CALY: variants seen among roughly 807,000 people sequenced by gnomAD.
CALY encodes the protein calcyon neuron specific vesicular protein.
CALY carries 15 observed loss-of-function variants against 20.2 expected under a neutral mutation model. That is an observed-to-expected ratio of 0.74 (90% CI 0.50 to 1.14). The LOEUF is 1.14. Ranked by LOEUF, CALY falls within the 50% of genes most tolerant of loss-of-function variation. The pLI is 0.00. For synonymous variants in CALY, 129 were observed against 131.8 expected, an observed-to-expected ratio of 0.98 and a Z score of 0.15; for missense variants, 270 against 304.4, an observed-to-expected ratio of 0.89 and a Z score of 0.84.
intron 1 of CALY, among the ~76,000 whole-genome samples, 164 bp downstream of exon 1, chr10:133,336,670 G>A (rs936048176): frequency 1.3e-5 from 2 of 152,132 alleles, no homozygotes; most frequent in Non-Finnish European, 1.5e-5. Flanking sequence ...ACCCGCACAC[G>A]CGCCTCGCAC....
intron 3 of CALY, among the ~76,000 whole-genome samples, 175 bp from the exon 4 acceptor site, chr10:133,327,166 G>C (rs111451658): frequency 6.6e-6 from 1 of 152,226 alleles, no homozygotes; most frequent in Non-Finnish European, 1.5e-5. Flanking sequence ...GTGTGCAGGC[G>C]TCACCCCTCG....
chr10:133,326,135 G>C lies in CALY; in HGVS notation c.361-15C>G. The C allele has an allele frequency of 1.3e-6, 2 of 1,590,350 alleles. No individual in the cohort carries two copies. The highest frequency in any genetic ancestry group is 1.1e-5 in the South Asian group (1 of 88,794). ...CAGATCTTGTGCTGCGGGAGGGGCC[G>C]GGTCAGGGTCGGTGGGGCTGAGCCC... On this transcript the variant is annotated splice_polypyrimidine_tract_variant and intron_variant, in intron 4 of 5. Coordinates refer to ENST00000252939, the MANE Select transcript of CALY (RefSeq NM_015722.4).
At chr10:133,327,172 C>T (rs1237798885) in intron 3 of CALY, among the ~76,000 whole-genome samples, 181 bp from the exon 4 acceptor site, 1 of 152,250 alleles carries the variant, frequency 6.6e-6, no homozygotes. Context: ...AGGCGTCACC[C>T]CTCGGGGCCA....
chr10:133,333,626 G>A (rs1848360668), intron 1 of CALY, among the ~76,000 whole-genome samples: 1 of 150,018 alleles, frequency 6.7e-6, no homozygotes, highest in African/African-American at 2.5e-5. Flanking sequence ...GGAGGGCTCT[G>A]AGGGGGAAAG....
rs370247096 is a variant in CALY, at chr10:133,327,036, G to A, written c.247-45C>T. On this transcript the variant is annotated intron_variant, in intron 3 of 5. Coordinates refer to ENST00000252939, the MANE Select transcript of CALY (RefSeq NM_015722.4). ...GGGCTCAGCCACGCCAGGCAGGGGC[G>A]GTCTTTGTGGGGAGCTCCTCAGGGG... is the stretch of plus-strand genomic sequence containing the variant. 1,317 of 1,353,196 alleles carry A rather than the reference G, an allele frequency of 9.7e-4. 16 individuals carry two copies. Among genetic ancestry groups the A allele is most frequent in the Non-Finnish European group, 1.9e-4 (182 of 959,512 alleles). 83.8% of individuals were successfully genotyped at this position (1,353,196 alleles called of 1,614,324 possible).
intron 1 of CALY, among the ~76,000 whole-genome samples, chr10:133,329,840 T>TATCC (rs139174075): frequency 0.047 from 7,165 of 152,300 alleles, 514 homozygotes; most frequent in African/African-American, 0.15. Flanking sequence ...GGGACGTGCT[T>TATCC]ATCCTGAAGT....
chr10:133,328,416 G>A (rs74505632), intron 2 of CALY, among the ~76,000 whole-genome samples: 1 of 152,160 alleles, frequency 6.6e-6, no homozygotes, highest in Non-Finnish European at 1.5e-5. Context: ...TGACTCCCTG[G>A]GGGGTCAAAC....
intron 4 of CALY, among the ~76,000 whole-genome samples, chr10:133,326,542 T>C (rs531346038): frequency 6.6e-6 from 1 of 150,808 alleles, no homozygotes; most frequent in South Asian, 2.1e-4. Flanking sequence ...ATCTGCCAAA[T>C]AGGTGGGGAG....
chr10:133,334,605 G>A lies in CALY; in HGVS notation c.-21+2229C>T, dbSNP rs80050012. 2.4e-3 allele frequency among the ~76,000 whole-genome samples: 366 copies of A among 150,198 alleles called. 3 individuals are homozygous for A. Among genetic ancestry groups the A allele is most frequent in the Admixed American group, 0.021 (316 of 15,048 alleles). On this transcript the variant is annotated intron_variant, in intron 1 of 5. Coordinates refer to ENST00000252939, the MANE Select transcript of CALY (RefSeq NM_015722.4). The stretch of plus-strand genomic sequence containing the variant: ...CATGAGGGAGAAGGATCTGAGGGGC[G>A]AAGGATCTGAAGGGGGAAGGATCAG...
chr10:133,326,943 C>A lies in CALY; in HGVS notation c.295G>T (p.Val99Leu). 2 of 1,611,316 alleles carry A rather than the reference C, an allele frequency of 1.2e-6. No individual in the cohort carries two copies. Among genetic ancestry groups the A allele is most frequent in the African/African-American group, 1.3e-5 (1 of 75,046 alleles). Residue 99 changes from valine to leucine, a missense_variant, in exon 4 of 6, where the codon GTG (valine) becomes TTG (leucine). Physicochemically the swap from Val to Leu is conservative, Grantham distance 32. Transcript: ENST00000252939. ...CAGATGGCCTTGTACATGATCAGCA[C>A]GCAGCCCAGTAGCGCCATGGCGAAG... ...IAFAMALLGCVLIMYKAIWYD... is the reference protein window; with the variant it reads ...IAFAMALLGCLLIMYKAIWYD...
chr10:133,324,173 G>A lies in CALY; in HGVS notation c.*1422C>T. 3.0e-6 allele frequency: 1 copy of A among 334,160 alleles called. No homozygotes were observed. The highest frequency in any genetic ancestry group is 2.2e-5 in the South Asian group (1 of 45,254). The allele number at this position is 334,160 out of a possible 1,614,324, so 20.7% of individuals were successfully genotyped here. A position where few individuals can be genotyped will look rare whatever the true frequency, so the allele number is the denominator to read the frequency against. On this transcript the variant is annotated 3_prime_UTR_variant, in exon 6 of 6. Transcript: ENST00000252939. The stretch of plus-strand genomic sequence containing the variant: ...CCCAGGCCCCGGGCCCCCCTCCCTT[G>A]CAGGCCATCAGGGCCAATTCAGTTC...
At chr10:133,330,940 C>T (rs572627607) in intron 1 of CALY, among the ~76,000 whole-genome samples, 2 of 152,138 alleles carry the variant, frequency 1.3e-5, no homozygotes, top group Admixed American at 6.5e-5. Flanking sequence ...GTGAATCCAG[C>T]GAATACAACA....
intron 2 of CALY, among the ~76,000 whole-genome samples, chr10:133,328,532 C>T (rs1436833015): frequency 6.6e-6 from 1 of 152,252 alleles, no homozygotes; most frequent in Non-Finnish European, 1.5e-5. Flanking sequence ...AAACCCAGGA[C>T]AGGGCCATGC....
At chr10:133,334,628 CA>C (rs1388348558) in intron 1 of CALY, among the ~76,000 whole-genome samples, 1 of 145,316 alleles carries the variant, frequency 6.9e-6, no homozygotes, top group East Asian at 2.1e-4. Context: ...GGGGAAGGAT[CA>C]GGGGAGGAAG....
At chr10:133,327,164 G>C (rs548231982) in intron 3 of CALY, among the ~76,000 whole-genome samples, 173 bp from the exon 4 acceptor site, 6 of 152,244 alleles carry the variant, frequency 3.9e-5, no homozygotes, top group African/African-American at 1.4e-4. Context: ...AAGTGTGCAG[G>C]CGTCACCCCT....
At position 133,328,845 on chromosome 10, in the gene CALY, A is replaced by G. The variant is rs1014839980; in HGVS notation, c.135+10T>C. The G allele has an allele frequency of 6.5e-6, 10 of 1,544,278 alleles. No individual in the cohort carries two copies. The highest frequency in any genetic ancestry group is 2.0e-4 in the Middle Eastern group (1 of 5,058). On this transcript the variant is annotated intron_variant, in intron 2 of 5. Coordinates refer to ENST00000252939, the MANE Select transcript of CALY (RefSeq NM_015722.4). ...CTGAGAAGGGCCCCCACGCTGGCCC[A>G]GGCCCTCACCTGGTCAGGGAGTGGC...
At chr10:133,326,857 C>G (rs770437039) in intron 4 of CALY, 21 bp downstream of exon 4, 7 of 1,552,006 alleles carry the variant, frequency 4.5e-6, no homozygotes, top group Non-Finnish European at 6.2e-6. Flanking sequence ...ACACCCCCCA[C>G]CAGAGCCCTG....
At chr10:133,335,328 C>T (rs1848420504) in intron 1 of CALY, among the ~76,000 whole-genome samples, 1 of 152,168 alleles carries the variant, frequency 6.6e-6, no homozygotes, top group African/African-American at 2.4e-5. Context: ...AGGGTAGGGC[C>T]ACGCCCCGGA....
intron 1 of CALY, among the ~76,000 whole-genome samples, chr10:133,331,169 G>A (rs1368230403): frequency 2.0e-5 from 3 of 152,132 alleles, no homozygotes; most frequent in Non-Finnish European, 2.9e-5. Context: ...GCTGTAACCC[G>A]GTAACAGTGA....
Sources: gnomAD v4.1 joint callset for allele counts (sites outside exome capture counted in the v4.1 genomes callset) on GRCh38, gnomAD v4.1.1 for gene constraint, MANE v1.5 for transcripts, NCBI Gene and HGNC (gene_info 2026-07-23, HGNC 2026-07-21) for gene names.